Variants in ADAMTS19 observed in about 807,000 individuals in gnomAD.
ADAMTS19 encodes ADAM metallopeptidase with thrombospondin type 1 motif 19, also known as A disintegrin and metalloproteinase with thrombospondin motifs 19.
A neutral mutation model predicts 153.3 loss-of-function variants in ADAMTS19; 93 were observed. That is an observed-to-expected ratio of 0.61 (90% confidence interval 0.51 to 0.72). The LOEUF is 0.72. ADAMTS19 is among the 30% of genes least tolerant of loss of function. The probability of loss-of-function intolerance (pLI) is 0.00; values close to 1 mark genes in which losing one functional copy is unlikely to be tolerated. For synonymous variants in ADAMTS19, 600 were observed against 556.6 expected, an observed-to-expected ratio of 1.08 and a Z score of -1.10; for missense variants, 1,482 against 1,552.1, an observed-to-expected ratio of 0.95 and a Z score of 0.76.
At chr5:129,619,707 G>A (rs182492366) in intron 8 of ADAMTS19, among the ~76,000 whole-genome samples, 221 of 152,026 alleles carry the variant, frequency 1.5e-3, no homozygotes, top group Non-Finnish European at 2.9e-3. Context: ...AAAAATTCAA[G>A]ACTTTGTATA....
Position 129,526,399 on chromosome 5 carries a change from G to A in ADAMTS19, c.1029G>A (p.Met343Ile). 1 of 1,603,278 alleles carries A rather than the reference G, an allele frequency of 6.2e-7. No individual in the cohort carries two copies. Among genetic ancestry groups the A allele is most frequent in the Non-Finnish European group, 8.5e-7 (1 of 1,175,436 alleles). The change falls in exon 4 of 23, where the codon ATG becomes ATA. Residue 343 changes from methionine (M) to isoleucine (I), a missense_variant. This residue lies in a region of ADAMTS19 where 866 missense variants were observed against 827.7 expected (regional missense o/e 1.05). Transcript: ENST00000274487. ...IETVVVADPA[M>I]VSYHGADAAR... ...CTGTAGTGGTTGCAGACCCAGCAAT[G>A]GTTTCCTATCATGGAGCAGATGCAG...
intron 15 of ADAMTS19, among the ~76,000 whole-genome samples, chr5:129,665,125 C>G (rs1753985188): frequency 6.6e-6 from 1 of 152,064 alleles, no homozygotes; most frequent in African/African-American, 2.4e-5. Context: ...ACTTTCTAAC[C>G]TAAAGAAGTT....
intron 11 of ADAMTS19, among the ~76,000 whole-genome samples, chr5:129,643,367 C>CAAAAAAAAAAAAAAAAA (rs556007087): frequency 5.0e-5 from 2 of 40,334 alleles, no homozygotes; most frequent in Non-Finnish European, 1.0e-4. Flanking sequence ...GTTTCAAAGA[C>CAAAAAAAAAAAAAAAAA]AAAAAAAAAA....
At chr5:129,657,190 G>C (rs77309069) in intron 14 of ADAMTS19, among the ~76,000 whole-genome samples, 6,254 of 152,144 alleles carry the variant, frequency 0.041, 390 homozygotes, top group African/African-American at 0.14. Context: ...GATAGGCCCC[G>C]CTTGACAAAA....
intron 7 of ADAMTS19, among the ~76,000 whole-genome samples, chr5:129,576,732 C>T (rs950098350): frequency 1.3e-5 from 2 of 151,972 alleles, no homozygotes; most frequent in African/African-American, 4.8e-5. Context: ...CTTTTTTGAT[C>T]TTTGCAGTAA....
At chr5:129,565,406 C>T (rs73785207) in intron 7 of ADAMTS19, among the ~76,000 whole-genome samples, 6,915 of 152,198 alleles carry the variant, frequency 0.045, 489 homozygotes, top group African/African-American at 0.16. Flanking sequence ...TGGAAATATA[C>T]TTTGAAGATA....
At chr5:129,705,128 T>G (rs1471420783) in intron 21 of ADAMTS19, among the ~76,000 whole-genome samples, 1 of 128,824 alleles carries the variant, frequency 7.8e-6, no homozygotes, top group Non-Finnish European at 1.7e-5. Flanking sequence ...TATCCCACTT[T>G]CAGCTGTGAT....
At chr5:129,734,898 A>T in intron 21 of ADAMTS19, 34 bp from the exon 22 acceptor site, 1 of 1,476,724 alleles carries the variant, frequency 6.8e-7, no homozygotes, top group Non-Finnish European at 9.0e-7. Flanking sequence ...ATAAAAATAA[A>T]AAAGAACCTA....
Position 129,643,383 on chromosome 5 carries a change from A to AG in ADAMTS19, c.1872+1423_1872+1424insG, listed in dbSNP as rs61497130. Among the ~76,000 whole-genome samples the AG allele has an allele frequency of 3.7e-4, 40 of 108,364 alleles. 1 individual carries two copies. Among genetic ancestry groups the AG allele is most frequent in the African/African-American group, 8.6e-4 (23 of 26,756 alleles). 71.1% of individuals were successfully genotyped at this position (108,364 alleles called of 152,430 possible). ...TTTCAAAGACAAAAAAAAAAAAAAA[A>AG]AAAGAAAAAAAAAAGAAAATATAAA... On this transcript the variant is annotated intron_variant, in intron 11 of 22. Coordinates refer to ENST00000274487, the MANE Select transcript of ADAMTS19 (RefSeq NM_133638.6).
At chr5:129,477,291 A>G (rs1041509727) in intron 2 of ADAMTS19, among the ~76,000 whole-genome samples, 1 of 152,208 alleles carries the variant, frequency 6.6e-6, no homozygotes, top group Admixed American at 6.5e-5. Flanking sequence ...ATAAAACAGT[A>G]AATTAAAGAA....
chr5:129,699,289 C>T (rs559602345), intron 19 of ADAMTS19, among the ~76,000 whole-genome samples: 16 of 152,000 alleles, frequency 1.1e-4, no homozygotes, highest in African/African-American at 3.9e-4. Context: ...GGGGACATGG[C>T]GGGCATGCCC....
chr5:129,467,406 G>A (rs537633466), intron 2 of ADAMTS19, among the ~76,000 whole-genome samples: 10 of 152,064 alleles, frequency 6.6e-5, no homozygotes, highest in South Asian at 4.1e-4. Context: ...CTTTTTCAGC[G>A]TCAGAAACAA....
intron 19 of ADAMTS19, among the ~76,000 whole-genome samples, chr5:129,700,565 C>T (rs1755787687): frequency 6.6e-6 from 1 of 152,110 alleles, no homozygotes; most frequent in South Asian, 2.1e-4. Context: ...GTTGGTGCCA[C>T]AATTTTGTGA....
At chr5:129,631,897 T>C (rs952824012) in intron 10 of ADAMTS19, among the ~76,000 whole-genome samples, 1 of 152,086 alleles carries the variant, frequency 6.6e-6, no homozygotes, top group Non-Finnish European at 1.5e-5. Flanking sequence ...ATTTTTTAAC[T>C]CTTTATTTCC....
At chr5:129,638,325 T>G (rs1752623191) in intron 10 of ADAMTS19, among the ~76,000 whole-genome samples, 1 of 152,158 alleles carries the variant, frequency 6.6e-6, no homozygotes, top group African/African-American at 2.4e-5. Flanking sequence ...AATTTTTAGT[T>G]TCTATTTTTC....
Position 129,611,491 on chromosome 5 carries a change from A to T in ADAMTS19, c.1479-9127A>T, listed in dbSNP as rs188978751. On this transcript the variant is annotated intron_variant, in intron 8 of 22. Coordinates refer to ENST00000274487, the MANE Select transcript of ADAMTS19 (RefSeq NM_133638.6). The stretch of plus-strand genomic sequence containing the variant: ...TAAGGTGTAAGGAAGGGATCCAGTT[A>T]CAGCTTTCTACATATGGCTAGCCAG... Among the ~76,000 whole-genome samples, 1,209 of 152,136 alleles carry T rather than the reference A, an allele frequency of 7.9e-3. 57 individuals are homozygous for T. The highest frequency in any genetic ancestry group is 0.066 in the Admixed American group (1,006 of 15,234).
intron 7 of ADAMTS19, among the ~76,000 whole-genome samples, chr5:129,585,258 C>T (rs145676846): frequency 1.3e-5 from 2 of 151,654 alleles, no homozygotes; most frequent in African/African-American, 2.4e-5. Flanking sequence ...TGAGATGAGC[C>T]GGGTAACTCA....
intron 16 of ADAMTS19, among the ~76,000 whole-genome samples, chr5:129,672,556 C>A (rs1208402176): frequency 6.6e-6 from 1 of 152,006 alleles, no homozygotes; most frequent in African/African-American, 2.4e-5. Flanking sequence ...CTGCATAAAG[C>A]AAGAACTCTA....
At chr5:129,483,453 C>A (rs991915594) in intron 2 of ADAMTS19, among the ~76,000 whole-genome samples, 5 of 152,160 alleles carry the variant, frequency 3.3e-5, no homozygotes, top group Non-Finnish European at 7.3e-5. Flanking sequence ...CTGTCCCATG[C>A]ATTGTAGGCT....
Sources: allele counts gnomAD v4.1 joint callset (sites outside exome capture counted in the v4.1 genomes callset), GRCh38; gene constraint gnomAD v4.1.1; regional missense constraint gnomAD v4.1.1; transcripts MANE v1.5; gene names NCBI Gene and HGNC (gene_info 2026-07-23, HGNC 2026-07-21).